TRPM3: variants seen among roughly 807,000 people sequenced by gnomAD.
The protein encoded by TRPM3 is transient receptor potential cation channel subfamily M member 3, also known as long transient receptor potential channel 3.
A neutral mutation model predicts 181.2 loss-of-function variants in TRPM3; 77 were observed. The observed-to-expected ratio is 0.42, with a 90% CI of 0.35 to 0.51. TRPM3 has a LOEUF of 0.51. TRPM3 is among the 20% of genes least tolerant of loss of function. The pLI, the probability that TRPM3 is intolerant of heterozygous loss-of-function variation, is 0.01. For synonymous variants in TRPM3, 745 were observed against 796.4 expected (o/e 0.94, Z 1.09); for missense variants, 1,759 against 2,196.7 (o/e 0.80, Z 3.98).
At chr9:71,186,199 C>T (rs2077669147) in intron 1 of TRPM3, among the ~76,000 whole-genome samples, 1 of 151,978 alleles carries the variant, frequency 6.6e-6, no homozygotes, top group Non-Finnish European at 1.5e-5. Flanking sequence ...AGTATGGCCT[C>T]ATCTTACTTA....
Position 70,625,072 on chromosome 9 carries a change from G to T in TRPM3, c.1809+119C>A. ...TTCATTACTTTTCTTTGATTGTTTA[G>T]GTTCACTCTCAGCGCAATTTTCTGA... On this transcript the variant is annotated intron_variant, in intron 14 of 25. Transcript: ENST00000677713. This position sits in a 1 kb window ranked among gnomAD's most constrained non-coding sequence, Gnocchi z 4.8. 3 of 1,094,528 alleles carry T rather than the reference G, an allele frequency of 2.7e-6. No homozygotes were observed. The highest frequency in any genetic ancestry group is 3.8e-6 in the Non-Finnish European group (3 of 783,088). The allele number at this position is 1,094,528 out of a possible 1,614,324, so 67.8% of individuals were successfully genotyped here.
intron 9 of TRPM3, among the ~76,000 whole-genome samples, chr9:70,666,444 A>G (rs1226843207): frequency 6.6e-6 from 1 of 152,252 alleles, no homozygotes; most frequent in Non-Finnish European, 1.5e-5. Context: ...AAACATCTGC[A>G]GAAAGTGGTT....
At chr9:70,892,435 A>C (rs1307670478) in intron 1 of TRPM3, among the ~76,000 whole-genome samples, 2 of 152,132 alleles carry the variant, frequency 1.3e-5, no homozygotes, top group African/African-American at 4.8e-5. Context: ...GATTACAAAC[A>C]ATATCAAAAT....
chr9:70,919,581 G>T (rs3010451), intron 1 of TRPM3, among the ~76,000 whole-genome samples: 24,508 of 151,944 alleles, frequency 0.16, 3,065 homozygotes, highest in African/African-American at 0.35. Flanking sequence ...GTCAGGAGTT[G>T]GAGACCAGCC....
At position 71,096,111 on chromosome 9, in the gene TRPM3, T is replaced by C. The variant is rs371740927; in HGVS notation, c.177+25067A>G. 1.4e-4 allele frequency among the ~76,000 whole-genome samples: 21 copies of C among 152,150 alleles called. No homozygotes were observed. The South Asian group carries it at 2.7e-3, about 20-fold the overall frequency. On this transcript the variant is annotated intron_variant, in intron 1 of 25. Coordinates refer to ENST00000677713, the MANE Select transcript of TRPM3 (RefSeq NM_001366145.2). ...CTTGTTTCTGGAGGACGAAGTATGA[T>C]TTTAAGTGAAGTTAATGTTTCAAAA...
At chr9:71,173,564 A>G (rs1174477002) in intron 1 of TRPM3, among the ~76,000 whole-genome samples, 2 of 152,240 alleles carry the variant, frequency 1.3e-5, no homozygotes, top group Non-Finnish European at 2.9e-5. Context: ...TGCTGCCACT[A>G]CATTTGGTAG....
In TRPM3 at chr9:70,907,097, T is replaced by C. The variant is rs576461295; in HGVS notation, c.178-42586A>G. Among the ~76,000 whole-genome samples, 4 of 152,314 alleles carry C rather than the reference T, an allele frequency of 2.6e-5. No homozygotes were observed. The South Asian group carries it at 8.3e-4, about 32-fold the overall frequency. On this transcript the variant is annotated intron_variant, in intron 1 of 25. Coordinates refer to ENST00000677713, the MANE Select transcript of TRPM3 (RefSeq NM_001366145.2). ...TTATTGAAAACAGTATAATTTTACT[T>C]AAAAATACAGTTTATGTATGTTATC... is the stretch of plus-strand genomic sequence containing the variant.
intron 1 of TRPM3, among the ~76,000 whole-genome samples, chr9:71,200,423 A>G (rs1358960401): frequency 1.3e-5 from 2 of 150,376 alleles, no homozygotes; most frequent in Admixed American, 1.3e-4. Context: ...ATTCCTGGGT[A>G]TCCTTGTTAA....
chr9:70,559,078 C>T (rs2131968117), intron 22 of TRPM3, among the ~76,000 whole-genome samples: 1 of 152,254 alleles, frequency 6.6e-6, no homozygotes, highest in South Asian at 2.1e-4. Context: ...AAATGTTTTT[C>T]ATACATAAAC....
intron 1 of TRPM3, among the ~76,000 whole-genome samples, chr9:71,397,993 C>A (rs190266227): frequency 6.6e-6 from 1 of 152,144 alleles, no homozygotes; most frequent in Non-Finnish European, 1.5e-5. Flanking sequence ...CAACTTTAAC[C>A]AGTTTATCCA....
chr9:71,267,587 C>T (rs965531109), intron 1 of TRPM3, among the ~76,000 whole-genome samples: 1 of 152,204 alleles, frequency 6.6e-6, no homozygotes, highest in African/African-American at 2.4e-5. Flanking sequence ...TCTGTCACTC[C>T]TCACAGAATA....
At chr9:70,936,678 T>C (rs979990400) in intron 1 of TRPM3, among the ~76,000 whole-genome samples, 3 of 152,204 alleles carry the variant, frequency 2.0e-5, no homozygotes, top group Non-Finnish European at 4.4e-5. Flanking sequence ...TTGTTTCACA[T>C]AAGCCGCCTC....
intron 1 of TRPM3, among the ~76,000 whole-genome samples, chr9:71,341,835 A>T (rs2090984814): frequency 6.6e-6 from 1 of 152,066 alleles, no homozygotes; most frequent in Non-Finnish European, 1.5e-5. Flanking sequence ...AGGACATTCC[A>T]CTTTTGTGTA....
chr9:71,072,755 G>A (rs1164341628), intron 1 of TRPM3, among the ~76,000 whole-genome samples: 5 of 152,174 alleles, frequency 3.3e-5, no homozygotes, highest in Admixed American at 2.0e-4. Context: ...CTGCTCTCAC[G>A]AAAGCAGGAT....
At chr9:71,046,447 CT>C (rs2059450165) in intron 1 of TRPM3, among the ~76,000 whole-genome samples, 1 of 152,144 alleles carries the variant, frequency 6.6e-6, no homozygotes, top group Non-Finnish European at 1.5e-5. Flanking sequence ...TATTCAGTAT[CT>C]TGTAAATGGA....
At chr9:70,994,904 G>T (rs915492639) in intron 1 of TRPM3, among the ~76,000 whole-genome samples, 3 of 152,178 alleles carry the variant, frequency 2.0e-5, no homozygotes, top group Non-Finnish European at 2.9e-5. Context: ...GCCTGGGATG[G>T]TCACCTCTAA....
intron 1 of TRPM3, among the ~76,000 whole-genome samples, chr9:71,240,327 T>G (rs2081590014): frequency 6.6e-6 from 1 of 152,188 alleles, no homozygotes; most frequent in African/African-American, 2.4e-5. Context: ...GAAGAGAGAT[T>G]AGCTAGATTA....
intron 18 of TRPM3, among the ~76,000 whole-genome samples, chr9:70,611,160 G>A (rs769131797): frequency 6.6e-6 from 1 of 152,190 alleles, no homozygotes; most frequent in Non-Finnish European, 1.5e-5. Context: ...CTCTTCAGAT[G>A]ATAATGACCC....
chr9:70,877,998 T>C (rs1007535216), intron 1 of TRPM3, among the ~76,000 whole-genome samples: 1 of 152,050 alleles, frequency 6.6e-6, no homozygotes, highest in Admixed American at 6.6e-5. Flanking sequence ...CTTTACTTTT[T>C]TGAATGCCAC....
Sources: allele counts gnomAD v4.1 joint callset (sites outside exome capture counted in the v4.1 genomes callset), GRCh38; gene constraint gnomAD v4.1.1; non-coding constraint Gnocchi (gnomAD v3.1); transcripts MANE v1.5; gene names NCBI Gene and HGNC (gene_info 2026-07-23, HGNC 2026-07-21).